DSG1: variants seen among roughly 807,000 people sequenced by gnomAD.
DSG1 encodes the protein desmoglein-1.
In DSG1, 39 loss-of-function variants were observed where a neutral mutation model predicts 97.5. The observed-to-expected ratio is 0.40, with a 90% CI of 0.31 to 0.52. The LOEUF (loss-of-function observed/expected upper bound fraction) is 0.52. DSG1 is among the 20% of genes least tolerant of loss of function. DSG1 has a pLI of 0.53. For synonymous variants in DSG1, 475 were observed against 443.4 expected (o/e 1.07, Z -0.90); for missense variants, 1,311 against 1,295.4 (o/e 1.01, Z -0.18).
Position 31,355,148 on chromosome 18 carries a change from G to C in DSG1, c.2952G>C (p.Met984Ile). ...IGSSGLVGTS[M>I]GAGSGALSGA... is the part of the protein sequence containing the mutation. ...GCAGTGGCCTGGTTGGCACCAGCAT[G>C]GGTGCTGGGAGCGGTGCCCTGAGTG... Residue 984 changes from methionine (M) to isoleucine (I), a missense_variant, in exon 15 of 15, where the codon ATG becomes ATC. By Grantham distance (10) the Met-to-Ile change is conservative. Transcript: ENST00000257192. The C allele has an allele frequency of 6.2e-7, 1 of 1,611,230 alleles. No homozygotes were observed.
chr18:31,319,345 G>A (rs2071639681), intron 1 of DSG1, among the ~76,000 whole-genome samples: 1 of 152,190 alleles, frequency 6.6e-6, no homozygotes, highest in South Asian at 2.1e-4. Context: ...GAACTGGAAT[G>A]TTGGGTTGGT....
At chr18:31,352,056 T>C (rs1002046798) in intron 14 of DSG1, among the ~76,000 whole-genome samples, 14 of 151,964 alleles carry the variant, frequency 9.2e-5, no homozygotes, top group Non-Finnish European at 1.3e-4. Flanking sequence ...TGCAGTTTCT[T>C]CCTAGTCTCG....
Position 31,344,014 on chromosome 18 carries a change from T to G in DSG1, c.1891+19T>G, listed in dbSNP as rs769338225. On this transcript the variant is annotated intron_variant, in intron 13 of 14. Coordinates refer to ENST00000257192, the MANE Select transcript of DSG1 (RefSeq NM_001942.4). ...AACTCAGGTAAGAAAAAAGAATTTG[T>G]TTAACATCTCAAATGCTTAAGTAGG... is the stretch of plus-strand genomic sequence containing the variant. 6 of 1,551,284 alleles carry G rather than the reference T, an allele frequency of 3.9e-6. No individual in the cohort carries two copies. Among genetic ancestry groups the G allele is most frequent in the Non-Finnish European group, 5.3e-6 (6 of 1,123,316 alleles).
At chr18:31,338,558 A>G in intron 10 of DSG1, 104 bp downstream of exon 10, 1 of 1,308,094 alleles carries the variant, frequency 7.6e-7, no homozygotes, top group East Asian at 2.5e-5. Context: ...CTTTCCAACA[A>G]AAGTTGTCAC....
rs769441726 is a variant in DSG1 at position 31,343,936 on chromosome 18, C to T, written c.1832C>T (p.Thr611Ile). The T allele has an allele frequency of 2.5e-6, 4 of 1,612,360 alleles. No homozygotes were observed. Among genetic ancestry groups the T allele is most frequent in the Non-Finnish European group, 2.5e-6 (3 of 1,178,584 alleles). Residue 611 changes from threonine (T) to isoleucine (I), a missense_variant, in exon 13 of 15, where the codon ACT (threonine) becomes ATT (isoleucine). Around this residue, in one of 3 missense-constraint regions of DSG1, gnomAD observed 1,038 missense variants for 964.6 expected, o/e 1.08. Coordinates refer to ENST00000257192, the MANE Select transcript of DSG1 (RefSeq NM_001942.4). ...TTTCCTGTCTTTTAGGATATAACCA[C>T]TGTCATACCACAAATACCACCTGAT... ...GPQPEPRDIT[T>I]VIPQIPPDNA...
Position 31,355,054 on chromosome 18 carries a change from A to G in DSG1, c.2858A>G (p.Glu953Gly), listed in dbSNP as rs1423345044. 4 of 1,614,074 alleles carry G rather than the reference A, an allele frequency of 2.5e-6. No individual in the cohort carries two copies. The highest frequency in any genetic ancestry group is 2.5e-6 in the Non-Finnish European group (3 of 1,180,042). ...LANAHNVIVT[E>G]RVVSGAGVTG... Reference sequence around the variant, plus strand: ...AATGCCCACAATGTCATTGTGACAGAGAGGGTTGTTTCTGGTGCTGGCGTA... The same window carrying G: ...AATGCCCACAATGTCATTGTGACAGGGAGGGTTGTTTCTGGTGCTGGCGTA... The change falls in exon 15 of 15, where the codon GAG (glutamate) becomes GGG (glycine). Residue 953 changes from glutamate (E) to glycine (G), a missense_variant. Glu to Gly is a moderately conservative substitution (Grantham distance 98, BLOSUM62 -2). Transcript: ENST00000257192.
At chr18:31,324,273 C>G (rs1180281610) in intron 1 of DSG1, among the ~76,000 whole-genome samples, 31 of 143,720 alleles carry the variant, frequency 2.2e-4, no homozygotes, top group Admixed American at 2.1e-3. Context: ...TGAGCCACAG[C>G]GCCCGGCCCT....
chr18:31,333,486 A>G, intron 6 of DSG1, 103 bp from the exon 7 acceptor site: 1 of 1,399,782 alleles, frequency 7.1e-7, no homozygotes, highest in Non-Finnish European at 1.0e-6. Context: ...CCTCTATCAT[A>G]GATTTATGTA....
chr18:31,346,660 C>T (rs922187), intron 14 of DSG1, among the ~76,000 whole-genome samples: 113,519 of 151,440 alleles, frequency 0.75, 42,769 homozygotes, highest in East Asian at 0.99. Context: ...CCAAATATCA[C>T]TCTCCCTCCG....
Position 31,326,569 on chromosome 18 carries a change from T to G in DSG1, c.49-12T>G. The G allele has an allele frequency of 6.3e-7, 1 of 1,587,526 alleles. No individual in the cohort carries two copies. Among genetic ancestry groups the G allele is most frequent in the Non-Finnish European group, 8.6e-7 (1 of 1,156,922 alleles). ...TAAAAAATAACTAGTGTGATTATCT[T>G]ATTTTTTACAGGTGGTGGTAGAAGT... On this transcript the variant is annotated splice_polypyrimidine_tract_variant and intron_variant, in intron 1 of 14. Coordinates refer to ENST00000257192, the MANE Select transcript of DSG1 (RefSeq NM_001942.4).
chr18:31,322,447 A>G (rs181827001), intron 1 of DSG1, among the ~76,000 whole-genome samples: 240 of 152,338 alleles, frequency 1.6e-3, no homozygotes, highest in Non-Finnish European at 2.8e-3. Context: ...GAGACTTACT[A>G]TAATATTTTC....
chr18:31,335,441 C>T (rs2071745831), intron 8 of DSG1, among the ~76,000 whole-genome samples: 2 of 152,042 alleles, frequency 1.3e-5, no homozygotes, highest in South Asian at 2.1e-4. Context: ...TCCTCAATAT[C>T]TCTATCTGTA....
intron 1 of DSG1, among the ~76,000 whole-genome samples, chr18:31,323,976 CTTTTTTT>C (rs1203163479): frequency 9.5e-5 from 9 of 94,984 alleles, no homozygotes; most frequent in East Asian, 5.9e-4. Flanking sequence ...TCTCTCCTTC[CTTTTTTT>C]TTTTTTTTTT....
chr18:31,326,700 A>G (rs1204886767), intron 2 of DSG1, 84 bp downstream of exon 2: 11 of 1,391,136 alleles, frequency 7.9e-6, no homozygotes, highest in Admixed American at 5.1e-5. Context: ...AAGAAAATGT[A>G]TTCTCATAAG....
intron 3 of DSG1, among the ~76,000 whole-genome samples, chr18:31,327,743 T>G (rs1235350601): frequency 6.6e-6 from 1 of 152,158 alleles, no homozygotes; most frequent in African/African-American, 2.4e-5. Flanking sequence ...TAAATCTACT[T>G]TCTTCGAAAA....
Position 31,344,005 on chromosome 18 carries a change from A to G in DSG1, c.1891+10A>G, listed in dbSNP as rs780988104. The G allele has an allele frequency of 2.5e-6, 4 of 1,600,860 alleles. No homozygotes were observed. The Admixed American group carries it at 5.0e-5, about 20-fold the overall frequency. ...TGCATTGACAACTCAGGTAAGAAAAAAGAATTTGTTTAACATCTCAAATGC... is the reference window on the plus strand; with the variant it reads ...TGCATTGACAACTCAGGTAAGAAAAGAGAATTTGTTTAACATCTCAAATGC... On this transcript the variant is annotated intron_variant, in intron 13 of 14. Coordinates refer to ENST00000257192, the MANE Select transcript of DSG1 (RefSeq NM_001942.4).
Position 31,356,375 on chromosome 18 carries a change from T to C in DSG1, c.*1029T>C, listed in dbSNP as rs2144130690. 6.6e-6 allele frequency: 1 copy of C among 151,704 alleles called. No homozygotes were observed. Among genetic ancestry groups the C allele is most frequent in the African/African-American group, 2.4e-5 (1 of 41,412 alleles). 9.4% of individuals were successfully genotyped at this position (151,704 alleles called of 1,614,324 possible). ...AAAATGATTTACATAGGCCGAGCTG[T>C]GGACAAAAAAAAAAGAAGCAGCAGC... On this transcript the variant is annotated 3_prime_UTR_variant, in exon 15 of 15. Coordinates refer to ENST00000257192, the MANE Select transcript of DSG1 (RefSeq NM_001942.4).
intron 1 of DSG1, among the ~76,000 whole-genome samples, chr18:31,322,919 G>T (rs1377079286): frequency 2.0e-5 from 3 of 152,118 alleles, no homozygotes; most frequent in Admixed American, 2.0e-4. Flanking sequence ...TGTAATTGGG[G>T]ATTTATTAAA....
intron 8 of DSG1, 84 bp downstream of exon 8, chr18:31,334,286 C>A: frequency 1.0e-6 from 1 of 997,044 alleles, no homozygotes; most frequent in South Asian, 1.4e-5. Context: ...GCTAACATTT[C>A]ACAAACTTGG....
Sources: gnomAD v4.1 joint callset for allele counts (sites outside exome capture counted in the v4.1 genomes callset) on GRCh38, gnomAD v4.1.1 for gene constraint, gnomAD v4.1.1 regional missense constraint, MANE v1.5 for transcripts, NCBI Gene and HGNC (gene_info 2026-07-23, HGNC 2026-07-21) for gene names.